The following TMEM150A variants were observed in gnomAD, a reference collection of about 807,000 sequenced individuals.
TMEM150A encodes the protein fasting-inducible integral membrane protein TM6P1.
TMEM150A carries 18 observed loss-of-function variants against 29.8 expected under a neutral mutation model. That is an observed-to-expected ratio of 0.60 (90% CI 0.42 to 0.90). The LOEUF is 0.90. TMEM150A is among the 40% of genes least tolerant of loss of function. The pLI, the probability that TMEM150A is intolerant of heterozygous loss-of-function variation, is 0.00. For missense variants in TMEM150A, 251 were observed against 349.7 expected (o/e 0.72, Z 2.25); for synonymous variants, 127 against 143.6 (o/e 0.88, Z 0.83).
At chr2:85,600,955 CTT>C (rs1672903742) in intron 4 of TMEM150A, 64 bp downstream of exon 4, 2 of 1,496,258 alleles carry the variant, frequency 1.3e-6, no homozygotes, top group African/African-American at 2.8e-5. Context: ...AAGGACAGCT[CTT>C]TGCTTGAGGG....
In TMEM150A at chr2:85,601,083, A is replaced by G. The variant is rs776949143; in HGVS notation, c.138T>C (p.Pro46=). ...ENWSYNESCP[P]DPAEQGGPKT... is the part of the protein sequence containing the mutation. ...TGGGACCCCCTTGCTCAGCAGGGTC[A>G]GGAGGGCAGGACTCGTTGTAGGACC... The change falls in exon 4 of 8, where the codon CCT becomes CCC. Residue 46 remains proline (P), a synonymous_variant. Coordinates refer to ENST00000334462, the MANE Select transcript of TMEM150A (RefSeq NM_001031738.3). This position sits in a 1 kb window ranked among gnomAD's most constrained non-coding sequence, Gnocchi z 4.0. 3.7e-6 allele frequency: 6 copies of G among 1,612,782 alleles called. No homozygotes were observed. In the African/African-American group the frequency reaches 8.0e-5, roughly 22 times the overall value.
Position 85,601,595 on chromosome 2 carries a change from TGGGG to T in TMEM150A, c.66-117_66-114del. 11 of 1,299,044 alleles carry T rather than the reference TGGGG, an allele frequency of 8.5e-6. No individual in the cohort carries two copies. The highest frequency in any genetic ancestry group is 5.4e-6 in the Non-Finnish European group (5 of 933,830). 80.5% of individuals were successfully genotyped at this position (1,299,044 alleles called of 1,614,324 possible). A position where few individuals can be genotyped will look rare whatever the true frequency, so the allele number is the denominator to read the frequency against. ...CCCCATTCAGCCTCATTATTGTTGC[TGGGG>T]ACTCAAGTTGAGGTCCCTAAGGCTT... On this transcript the variant is annotated intron_variant, in intron 2 of 7. Transcript: ENST00000334462. This position sits in a 1 kb window ranked among gnomAD's most constrained non-coding sequence, Gnocchi z 4.0.
chr2:85,598,577 A>C lies in TMEM150A; in HGVS notation c.*499T>G, dbSNP rs2104071633. 6.3e-6 allele frequency: 1 copy of C among 158,036 alleles called. No individual in the cohort carries two copies. The highest frequency in any genetic ancestry group is 1.9e-4 in the East Asian group (1 of 5,400). 9.8% of individuals were successfully genotyped at this position (158,036 alleles called of 1,614,324 possible). A position where few individuals can be genotyped will look rare whatever the true frequency, so the allele number is the denominator to read the frequency against. ...ATTAGAATTCTTTTAATATAAAAAA[A>C]AGTACTAAAATACCCACGTGGTTCT... On this transcript the variant is annotated 3_prime_UTR_variant, in exon 8 of 8. Transcript: ENST00000334462.
Position 85,601,362 on chromosome 2 carries a change from G to A in TMEM150A, c.113+73C>T. The A allele has an allele frequency of 1.3e-6, 2 of 1,580,566 alleles. No homozygotes were observed. The highest frequency in any genetic ancestry group is 1.1e-5 in the South Asian group (1 of 90,374). On this transcript the variant is annotated intron_variant, in intron 3 of 7. Coordinates refer to ENST00000334462, the MANE Select transcript of TMEM150A (RefSeq NM_001031738.3). This position sits in a 1 kb window ranked among gnomAD's most constrained non-coding sequence, Gnocchi z 4.0. ...GCTCAGGGTTGCAGTCTGGCTCGTG[G>A]CAGCCTCAGGCCCAAGAGGGGACAG...
In TMEM150A at chr2:85,598,898, G is replaced by C. The variant is rs1047796767; in HGVS notation, c.*178C>G. The C allele has an allele frequency of 1.1e-6, 1 of 902,220 alleles. No individual in the cohort carries two copies. The highest frequency in any genetic ancestry group is 2.9e-5 in the Admixed American group (1 of 34,028). The allele number at this position is 902,220 out of a possible 1,614,324, so 55.9% of individuals were successfully genotyped here. A position where few individuals can be genotyped will look rare whatever the true frequency, so the allele number is the denominator to read the frequency against. ...GGAAGCAGGTCATGCAGCTGTGGCA[G>C]CTGGCAGGGCCCACTCCTCCATGGC... is the stretch of plus-strand genomic sequence containing the variant. On this transcript the variant is annotated 3_prime_UTR_variant, in exon 8 of 8. Transcript: ENST00000334462.
At position 85,601,032 on chromosome 2, in the gene TMEM150A, G is replaced by C. The variant is rs756925997; in HGVS notation, c.189C>G (p.Val63=). 8.1e-6 allele frequency: 13 copies of C among 1,612,664 alleles called. No individual in the cohort carries two copies. The Admixed American group carries it at 1.5e-4, about 19-fold the overall frequency. The change falls in exon 4 of 8, where the codon GTC becomes GTG. Residue 63 remains valine, a synonymous_variant. Coordinates refer to ENST00000334462, the MANE Select transcript of TMEM150A (RefSeq NM_001031738.3). The surrounding 1 kb of genome is among the most constrained non-coding windows in gnomAD (Gnocchi z 4.0). ...GPKTCCTLDD[V]PLISKCGSYP... ...TGTCCAGGCCTTACCTGATGAGGGGGACATCGTCCAGGGTGCAGCAGGTCT... is the reference window on the plus strand; with the variant it reads ...TGTCCAGGCCTTACCTGATGAGGGGCACATCGTCCAGGGTGCAGCAGGTCT...
At position 85,602,198 on chromosome 2, in the gene TMEM150A, G is replaced by A. The variant is rs1184068607; in HGVS notation, c.-116-134C>T. The A allele has an allele frequency of 4.2e-6, 2 of 471,218 alleles. No individual in the cohort carries two copies. The highest frequency in any genetic ancestry group is 5.8e-4 in the Middle Eastern group (1 of 1,716). 29.2% of individuals were successfully genotyped at this position (471,218 alleles called of 1,614,324 possible). A position where few individuals can be genotyped will look rare whatever the true frequency, so the allele number is the denominator to read the frequency against. ...GTTTGGGCTGAGCCCACGGCAGAAC[G>A]TGAACACCCTCTGGCACTGGGGGCC... is the stretch of plus-strand genomic sequence containing the variant. On this transcript the variant is annotated intron_variant, in intron 1 of 7. Coordinates refer to ENST00000334462, the MANE Select transcript of TMEM150A (RefSeq NM_001031738.3). This position sits in a 1 kb window ranked among gnomAD's most constrained non-coding sequence, Gnocchi z 5.6.
At chr2:85,600,259 G>A in intron 5 of TMEM150A, 86 bp downstream of exon 5, 1 of 1,511,672 alleles carries the variant, frequency 6.6e-7, no homozygotes, top group East Asian at 2.3e-5. Flanking sequence ...TTGGTGGGGA[G>A]GGCTGCACAG....
chr2:85,601,033 A>G lies in TMEM150A; in HGVS notation c.188T>C (p.Val63Ala). 6.2e-7 allele frequency: 1 copy of G among 1,612,370 alleles called. No individual in the cohort carries two copies. Among genetic ancestry groups the G allele is most frequent in the Admixed American group, 1.7e-5 (1 of 59,562 alleles). Residue 63 changes from valine to alanine, a missense_variant, in exon 4 of 8, where the codon GTC (valine) becomes GCC (alanine). Val to Ala is a moderately conservative substitution (Grantham distance 64, BLOSUM62 0). Coordinates refer to ENST00000334462, the MANE Select transcript of TMEM150A (RefSeq NM_001031738.3). The surrounding 1 kb of genome is among the most constrained non-coding windows in gnomAD (Gnocchi z 4.0). ...GPKTCCTLDDVPLISKCGSYP... is the reference protein window; with the variant it reads ...GPKTCCTLDDAPLISKCGSYP... ...GTCCAGGCCTTACCTGATGAGGGGG[A>G]CATCGTCCAGGGTGCAGCAGGTCTT...
At chr2:85,600,461 G>C in intron 4 of TMEM150A, 49 bp from the exon 5 acceptor site, 1 of 1,512,422 alleles carries the variant, frequency 6.6e-7, no homozygotes, top group Non-Finnish European at 9.2e-7. Context: ...GAGGCCCGGG[G>C]GGCCCCCATT....
chr2:85,599,028 T>C lies in TMEM150A; in HGVS notation c.*48A>G. The C allele has an allele frequency of 3.2e-6, 5 of 1,585,912 alleles. No individual in the cohort carries two copies. Among genetic ancestry groups the C allele is most frequent in the Non-Finnish European group, 4.3e-6 (5 of 1,163,272 alleles). ...TGGTACGAAATAAATGGAAAGAAGATATGGGGTGGGGTGCTGTGGAGGCCG... is the reference window on the plus strand; with the variant it reads ...TGGTACGAAATAAATGGAAAGAAGACATGGGGTGGGGTGCTGTGGAGGCCG... On this transcript the variant is annotated 3_prime_UTR_variant, in exon 8 of 8. Transcript: ENST00000334462. The surrounding 1 kb of genome is among the most constrained non-coding windows in gnomAD (Gnocchi z 6.0).
Position 85,598,579 on chromosome 2 carries a change from G to A in TMEM150A, c.*497C>T, listed in dbSNP as rs1347739757. On this transcript the variant is annotated 3_prime_UTR_variant, in exon 8 of 8. Coordinates refer to ENST00000334462, the MANE Select transcript of TMEM150A (RefSeq NM_001031738.3). Reference sequence around the variant, plus strand: ...TAGAATTCTTTTAATATAAAAAAAAGTACTAAAATACCCACGTGGTTCTGC... The same window carrying A: ...TAGAATTCTTTTAATATAAAAAAAAATACTAAAATACCCACGTGGTTCTGC... 6.3e-6 allele frequency: 1 copy of A among 158,598 alleles called. No homozygotes were observed. Among genetic ancestry groups the A allele is most frequent in the Non-Finnish European group, 1.4e-5 (1 of 71,202 alleles). 9.8% of individuals were successfully genotyped at this position (158,598 alleles called of 1,614,324 possible). A position where few individuals can be genotyped will look rare whatever the true frequency, so the allele number is the denominator to read the frequency against.
Position 85,599,337 on chromosome 2 carries a change from A to C in TMEM150A, c.575-20T>G. The C allele has an allele frequency of 6.2e-7, 1 of 1,613,420 alleles. No individual in the cohort carries two copies. Among genetic ancestry groups the C allele is most frequent in the East Asian group, 2.2e-5 (1 of 44,854 alleles). ...CTCCACCTAAAACGAGGCTAAGGAAATGTTCAGTAGGACATACGGAAACCT... is the reference window on the plus strand; with the variant it reads ...CTCCACCTAAAACGAGGCTAAGGAACTGTTCAGTAGGACATACGGAAACCT... On this transcript the variant is annotated intron_variant, in intron 7 of 7. Coordinates refer to ENST00000334462, the MANE Select transcript of TMEM150A (RefSeq NM_001031738.3). This position sits in a 1 kb window ranked among gnomAD's most constrained non-coding sequence, Gnocchi z 6.0.
chr2:85,600,783 T>C (rs1672890482), intron 4 of TMEM150A: 2 of 554,782 alleles, frequency 3.6e-6, no homozygotes, highest in African/African-American at 1.9e-5. Context: ...ACTGAGCCTG[T>C]TTCCTCACCT....
intron 4 of TMEM150A, 138 bp from the exon 5 acceptor site, chr2:85,600,550 G>A (rs1672875748): frequency 3.0e-6 from 2 of 668,882 alleles, no homozygotes; most frequent in African/African-American, 3.6e-5. Flanking sequence ...AAGATCCAGG[G>A]TCCCTCATGA....
At chr2:85,600,046 T>C (rs1672848744) in intron 5 of TMEM150A, 28 bp from the exon 6 acceptor site, 1 of 1,609,272 alleles carries the variant, frequency 6.2e-7, no homozygotes, top group Non-Finnish European at 8.5e-7. Flanking sequence ...AGTTGAGGCC[T>C]TCCTCCAGCC....
In TMEM150A at chr2:85,601,481, A is replaced by G; in HGVS notation, c.67T>C (p.Tyr23His). 1 of 1,612,366 alleles carries G rather than the reference A, an allele frequency of 6.2e-7. No individual in the cohort carries two copies. The highest frequency in any genetic ancestry group is 1.1e-5 in the South Asian group (1 of 91,014). Residue 23 changes from tyrosine (Y) to histidine (H), a missense_variant and splice_region_variant, in exon 3 of 8, where the codon TAT (tyrosine) becomes CAT (histidine). Tyr to His is a moderately conservative substitution (Grantham distance 83, BLOSUM62 2). Transcript: ENST00000334462. This position sits in a 1 kb window ranked among gnomAD's most constrained non-coding sequence, Gnocchi z 4.0. ...AFSITGIWTV[Y>H]AMAVMNHHVC... ...TGGTGGTTCATCACAGCCATGGCATACCTGTGGGAACAGAACTGTCACCCT... is the reference window on the plus strand; with the variant it reads ...TGGTGGTTCATCACAGCCATGGCATGCCTGTGGGAACAGAACTGTCACCCT...
At chr2:85,600,578 G>A in intron 4 of TMEM150A, 166 bp from the exon 5 acceptor site, 2 of 630,638 alleles carry the variant, frequency 3.2e-6, no homozygotes, top group Non-Finnish European at 5.8e-6. Context: ...GTTCCAGGCT[G>A]GGCCCCCAAA....
Position 85,602,033 on chromosome 2 carries a change from A to G in TMEM150A, c.-85T>C. The G allele has an allele frequency of 1.7e-6, 2 of 1,202,064 alleles. No homozygotes were observed. The highest frequency in any genetic ancestry group is 2.5e-6 in the Non-Finnish European group (2 of 809,414). The allele number at this position is 1,202,064 out of a possible 1,614,324, so 74.5% of individuals were successfully genotyped here. ...GTGGGGGCGGACCAGCTACCTTGAGATGTTTCTGCCACAACCATCAGCTGT... is the reference window on the plus strand; with the variant it reads ...GTGGGGGCGGACCAGCTACCTTGAGGTGTTTCTGCCACAACCATCAGCTGT... On this transcript the variant is annotated 5_prime_UTR_variant, in exon 2 of 8. Coordinates refer to ENST00000334462, the MANE Select transcript of TMEM150A (RefSeq NM_001031738.3). This position sits in a 1 kb window ranked among gnomAD's most constrained non-coding sequence, Gnocchi z 5.6.
Sources: gnomAD v4.1 joint callset for allele counts on GRCh38, gnomAD v4.1.1 for gene constraint, Gnocchi (gnomAD v3.1) non-coding constraint, MANE v1.5 for transcripts, NCBI Gene and HGNC (gene_info 2026-07-23, HGNC 2026-07-21) for gene names.